Variants in C10orf67 observed in about 807,000 individuals in gnomAD.
C10orf67 encodes the protein uncharacterized protein C10orf67, mitochondrial.
Under a neutral mutation model 35.6 loss-of-function variants are expected in C10orf67, and 60 were observed. The ratio of observed to expected loss-of-function variants is 1.68; its 90% CI spans 1.37 to 2.09. C10orf67 has a LOEUF of 2.09. Among genes scored for constraint, C10orf67 ranks in the 30% most tolerant of loss-of-function variants. The pLI is 0.00. For synonymous variants in C10orf67, 167 were observed against 115.8 expected, an observed-to-expected ratio of 1.44 and a Z score of -2.84; for missense variants, 474 against 330.2, an observed-to-expected ratio of 1.44 and a Z score of -3.38.
chr10:23,302,248 AT>A (rs1408701346), intron 5 of C10orf67, among the ~76,000 whole-genome samples: 1 of 151,626 alleles, frequency 6.6e-6, no homozygotes, highest in African/African-American at 2.4e-5. Flanking sequence ...TCTATACATT[AT>A]AATCTGTACA....
At position 23,221,004 on chromosome 10, in the gene C10orf67, G is replaced by A. The variant is rs144026218; in HGVS notation, c.1570+2594C>T. 1.5e-3 allele frequency among the ~76,000 whole-genome samples: 230 copies of A among 152,290 alleles called. 2 individuals carry two copies. The highest frequency in any genetic ancestry group is 5.1e-3 in the African/African-American group (212 of 41,570). On this transcript the variant is annotated intron_variant, in intron 15 of 15. Transcript: ENST00000636213. ...ACTTGAAAGTGTTCGGTTGGGATCT[G>A]TTACCAAATAGGTTATAGTAACCCC... is the stretch of plus-strand genomic sequence containing the variant.
intron 15 of C10orf67, among the ~76,000 whole-genome samples, chr10:23,207,139 A>G (rs904882736): frequency 7.3e-6 from 1 of 137,930 alleles, no homozygotes; most frequent in African/African-American, 2.8e-5. Flanking sequence ...TAACATGCCA[A>G]CTTCCTAAAG....
intron 10 of C10orf67, among the ~76,000 whole-genome samples, chr10:23,263,504 A>G (rs1181078083): frequency 6.6e-6 from 1 of 152,240 alleles, no homozygotes; most frequent in Admixed American, 6.5e-5. Flanking sequence ...GAAGTTCTAG[A>G]GTTTTTATTG....
At chr10:23,314,403 C>T (rs1485276311) in intron 4 of C10orf67, among the ~76,000 whole-genome samples, 2 of 151,808 alleles carry the variant, frequency 1.3e-5, no homozygotes, top group African/African-American at 4.8e-5. Flanking sequence ...GGTAGGATCA[C>T]TTGAGGCCAG....
At chr10:23,296,240 C>T (rs1843876612) in intron 5 of C10orf67, among the ~76,000 whole-genome samples, 1 of 152,058 alleles carries the variant, frequency 6.6e-6, no homozygotes, top group Non-Finnish European at 1.5e-5. Context: ...ACAGGGCTCC[C>T]ATACAAAAGG....
rs1268100816 is a variant in C10orf67, at chr10:23,292,110, G to GT, written c.703-832_703-831insA. Among the ~76,000 whole-genome samples the GT allele has an allele frequency of 1.7e-4, 26 of 150,366 alleles. 1 individual carries two copies. The highest frequency in any genetic ancestry group is 1.4e-3 in the Admixed American group (21 of 15,064). On this transcript the variant is annotated intron_variant, in intron 5 of 15. Coordinates refer to ENST00000636213, the MANE Select transcript of C10orf67 (RefSeq NM_001371909.1). ...GTTTAAATCTTGCCATGTCCATTAT[G>GT]GGAGAGCTTTTTCTTACGCAATAGA...
At chr10:23,312,873 T>C (rs1244905013) in intron 4 of C10orf67, among the ~76,000 whole-genome samples, 2 of 152,196 alleles carry the variant, frequency 1.3e-5, no homozygotes, top group African/African-American at 4.8e-5. Context: ...AGAAAAAGAC[T>C]GAGATTCTCT....
chr10:23,266,730 G>T (rs1197295187), intron 9 of C10orf67, among the ~76,000 whole-genome samples: 1 of 152,122 alleles, frequency 6.6e-6, no homozygotes, highest in Non-Finnish European at 1.5e-5. Context: ...GTGGGTGGCA[G>T]CTCGAGGCTT....
intron 4 of C10orf67, among the ~76,000 whole-genome samples, chr10:23,314,009 G>A (rs973743458): frequency 3.4e-5 from 5 of 147,298 alleles, no homozygotes; most frequent in African/African-American, 1.3e-4. Context: ...CAAACAAGAC[G>A]TGGATTTAGG....
chr10:23,316,700 A>C, intron 4 of C10orf67: 1 of 152,840 alleles, frequency 6.5e-6, no homozygotes, highest in East Asian at 1.9e-4. Flanking sequence ...CTCCCAGCTA[A>C]GAGAAGACCC....
At chr10:23,226,137 T>C (rs190589749) in intron 13 of C10orf67, among the ~76,000 whole-genome samples, 81 of 152,314 alleles carry the variant, frequency 5.3e-4, no homozygotes, top group Non-Finnish European at 7.4e-5. Flanking sequence ...AGAATATACA[T>C]TCTTCTCAGC....
intron 15 of C10orf67, among the ~76,000 whole-genome samples, chr10:23,219,064 A>G (rs1046484403): frequency 6.6e-6 from 1 of 152,244 alleles, no homozygotes; most frequent in African/African-American, 2.4e-5. Flanking sequence ...AGTGCAAAAC[A>G]TACTTATTGA....
At chr10:23,265,204 T>C (rs375483086) in intron 10 of C10orf67, among the ~76,000 whole-genome samples, 3 of 152,258 alleles carry the variant, frequency 2.0e-5, no homozygotes, top group East Asian at 1.9e-4. Flanking sequence ...GCAACAAGCC[T>C]GGCCTTGCTC....
At chr10:23,204,854 T>C (rs1011466673) in intron 15 of C10orf67, among the ~76,000 whole-genome samples, 3 of 151,884 alleles carry the variant, frequency 2.0e-5, no homozygotes, top group Admixed American at 1.3e-4. Flanking sequence ...GAGGAAAGCG[T>C]TGGGGGTCTG....
intron 4 of C10orf67, among the ~76,000 whole-genome samples, chr10:23,307,277 T>C (rs1193252021): frequency 2.0e-5 from 3 of 152,356 alleles, no homozygotes; most frequent in African/African-American, 7.2e-5. Context: ...AAGAAACCAT[T>C]TGATTCTTTG....
chr10:23,217,348 A>G (rs1841458557), intron 15 of C10orf67, among the ~76,000 whole-genome samples: 1 of 152,192 alleles, frequency 6.6e-6, no homozygotes, highest in South Asian at 2.1e-4. Context: ...TTTCATATAC[A>G]AGGATGTCAT....
At chr10:23,263,873 A>G (rs1010818827) in intron 10 of C10orf67, among the ~76,000 whole-genome samples, 15 of 152,240 alleles carry the variant, frequency 9.9e-5, no homozygotes, top group African/African-American at 3.6e-4. Flanking sequence ...TTATGTTGTG[A>G]AATCGTTCAT....
At chr10:23,312,982 C>T (rs1055900949) in intron 4 of C10orf67, among the ~76,000 whole-genome samples, 1 of 152,196 alleles carries the variant, frequency 6.6e-6, no homozygotes, top group East Asian at 1.9e-4. Context: ...TTGCAAATTT[C>T]AAACTTGCCA....
rs1454517294 is a variant in C10orf67, at chr10:23,344,699, A to G, written c.76T>C (p.Ser26Pro). ...CGTGTGCCAAAGGTCCCCCTCAAGGAGGAGGAAAAGCAGTGAACCCATCTA... is the reference window on the plus strand; with the variant it reads ...CGTGTGCCAAAGGTCCCCCTCAAGGGGGAGGAAAAGCAGTGAACCCATCTA... ...VIRWVHCFSSSLRGTFGTRWE... is the reference protein window; with the variant it reads ...VIRWVHCFSSPLRGTFGTRWE... The change falls in exon 1 of 16, where the codon TCC (serine) becomes CCC (proline). Residue 26 changes from serine to proline, a missense_variant. Ser to Pro is a moderately conservative substitution (Grantham distance 74). Transcript: ENST00000636213. The G allele has an allele frequency of 6.3e-7, 1 of 1,575,138 alleles. No individual in the cohort carries two copies. Among genetic ancestry groups the G allele is most frequent in the Non-Finnish European group, 8.6e-7 (1 of 1,160,716 alleles).
Sources: gnomAD v4.1 joint callset for allele counts (sites outside exome capture counted in the v4.1 genomes callset) on GRCh38, gnomAD v4.1.1 for gene constraint, MANE v1.5 for transcripts, NCBI Gene and HGNC (gene_info 2026-07-23, HGNC 2026-07-21) for gene names.